The following RIMS4 variants were observed in gnomAD, a reference collection of about 807,000 sequenced individuals.
RIMS4 encodes regulating synaptic membrane exocytosis protein 4.
In RIMS4, 9 loss-of-function variants were observed where a neutral mutation model predicts 29.0. The ratio of observed to expected loss-of-function variants is 0.31; its 90% confidence interval spans 0.19 to 0.54. The LOEUF (loss-of-function observed/expected upper bound fraction) is 0.54, where lower values mean the gene tolerates loss of function less well. Ranked by LOEUF, RIMS4 falls within the 20% of genes least tolerant of loss-of-function variation. The probability of loss-of-function intolerance (pLI) is 0.94; values close to 1 mark genes in which losing one functional copy is unlikely to be tolerated. For missense variants in RIMS4, 193 were observed against 365.7 expected, an observed-to-expected ratio of 0.53 and a Z score of 3.85; for synonymous variants, 130 against 152.9, an observed-to-expected ratio of 0.85 and a Z score of 1.10.
At chr20:44,759,424 A>C (rs577534664) in intron 2 of RIMS4, among the ~76,000 whole-genome samples, 125 of 152,148 alleles carry the variant, frequency 8.2e-4, no homozygotes, top group African/African-American at 2.9e-3. Context: ...CGCCCGGCCA[A>C]TTTTTGTGTT....
chr20:44,803,639 C>T (rs6103872), intron 1 of RIMS4, among the ~76,000 whole-genome samples: 26,807 of 150,520 alleles, frequency 0.18, 2,555 homozygotes, highest in East Asian at 0.27. Flanking sequence ...CCTCAGTTTC[C>T]GAGTGAATCA....
chr20:44,757,373 T>A (rs1386926202), intron 4 of RIMS4, among the ~76,000 whole-genome samples: 1 of 151,668 alleles, frequency 6.6e-6, no homozygotes, highest in Non-Finnish European at 1.5e-5. Flanking sequence ...TCACCAAGCC[T>A]GAGCACCTAC....
intron 1 of RIMS4, among the ~76,000 whole-genome samples, chr20:44,781,025 A>G (rs1219451780): frequency 6.6e-6 from 1 of 152,176 alleles, no homozygotes; most frequent in Non-Finnish European, 1.5e-5. Flanking sequence ...CAAAATATAC[A>G]TTTATTGAGT....
At chr20:44,779,537 G>C (rs112657928) in intron 1 of RIMS4, among the ~76,000 whole-genome samples, 2 of 152,182 alleles carry the variant, frequency 1.3e-5, no homozygotes, top group African/African-American at 2.4e-5. Flanking sequence ...CCAACACGAC[G>C]TTTGTGGGGT....
Position 44,810,172 on chromosome 20 carries a change from T to A in RIMS4, c.97+3A>T, listed in dbSNP as rs903668354. ...GGGTCTGGGGGGCGGGCCGCGCGCT[T>A]ACCTGCGTCCTCGTCGTCGAAGGAG... On this transcript the variant is annotated splice_donor_region_variant and intron_variant, in intron 1 of 5. Coordinates refer to ENST00000372851, the MANE Select transcript of RIMS4 (RefSeq NM_182970.4). The A allele has an allele frequency of 6.4e-7, 1 of 1,564,746 alleles. No homozygotes were observed. The highest frequency in any genetic ancestry group is 8.7e-7 in the Non-Finnish European group (1 of 1,150,140).
At chr20:44,805,818 G>C (rs1016037671) in intron 1 of RIMS4, among the ~76,000 whole-genome samples, 1 of 151,392 alleles carries the variant, frequency 6.6e-6, no homozygotes, top group African/African-American at 2.4e-5. Flanking sequence ...AGGTGCCTGG[G>C]GGTGTGGAGA....
chr20:44,795,393 T>C (rs2066250355), intron 1 of RIMS4, among the ~76,000 whole-genome samples: 1 of 152,174 alleles, frequency 6.6e-6, no homozygotes, highest in South Asian at 2.1e-4. Context: ...CCCAGCACTT[T>C]GGGAGGCTGA....
chr20:44,804,140 C>A (rs1037226598), intron 1 of RIMS4, among the ~76,000 whole-genome samples: 2 of 152,234 alleles, frequency 1.3e-5, no homozygotes, highest in African/African-American at 4.8e-5. Context: ...GCCTGGCTTT[C>A]CTCATCTGCA....
intron 1 of RIMS4, among the ~76,000 whole-genome samples, chr20:44,782,864 T>C (rs1421242876): frequency 6.6e-6 from 1 of 152,200 alleles, no homozygotes; most frequent in Non-Finnish European, 1.5e-5. Flanking sequence ...AGAGAACTCC[T>C]CAAGACACCA....
chr20:44,773,276 T>C (rs1015015717), intron 1 of RIMS4, among the ~76,000 whole-genome samples: 1 of 152,108 alleles, frequency 6.6e-6, no homozygotes, highest in Non-Finnish European at 1.5e-5. Flanking sequence ...CTCCATTCCA[T>C]CATCTGTTCT....
Position 44,810,306 on chromosome 20 carries a change from G to A in RIMS4, c.-35C>T. 1.3e-6 allele frequency: 1 copy of A among 788,468 alleles called. No homozygotes were observed. Among genetic ancestry groups the A allele is most frequent in the Non-Finnish European group, 1.6e-6 (1 of 637,926 alleles). The allele number at this position is 788,468 out of a possible 1,614,324, so 48.8% of individuals were successfully genotyped here. ...GGCGCCGGGCGCCTCGGCCGCGGCG[G>A]CGGCGGCGGCGGCGGGCGGCTTGGG... On this transcript the variant is annotated 5_prime_UTR_variant, in exon 1 of 6. Coordinates refer to ENST00000372851, the MANE Select transcript of RIMS4 (RefSeq NM_182970.4).
rs1316755326 is a variant in RIMS4, at chr20:44,753,784, C to A, written c.*2350G>T. 1.3e-5 allele frequency: 2 copies of A among 152,710 alleles called. No individual in the cohort carries two copies. Among genetic ancestry groups the A allele is most frequent in the Non-Finnish European group, 2.9e-5 (2 of 68,142 alleles). 9.5% of individuals were successfully genotyped at this position (152,710 alleles called of 1,614,324 possible). On this transcript the variant is annotated 3_prime_UTR_variant, in exon 6 of 6. Coordinates refer to ENST00000372851, the MANE Select transcript of RIMS4 (RefSeq NM_182970.4). The stretch of plus-strand genomic sequence containing the variant: ...ACACAAAGAAACAGGGCTCCAGCCC[C>A]CAGCTGCTCCACCCCTCCAGGAGGT...
chr20:44,770,135 A>T (rs145044005), intron 2 of RIMS4, among the ~76,000 whole-genome samples: 68 of 152,278 alleles, frequency 4.5e-4, no homozygotes, highest in Non-Finnish European at 8.4e-4. Flanking sequence ...CCATGTGCAC[A>T]AGAATCATGA....
chr20:44,771,426 G>A lies in RIMS4; in HGVS notation c.98-13C>T. 6.2e-7 allele frequency: 1 copy of A among 1,603,678 alleles called. No individual in the cohort carries two copies. The highest frequency in any genetic ancestry group is 1.1e-5 in the South Asian group (1 of 90,750). ...CTCCGGCTGTCCCCTTCTGGGCAAAGCGGCCAAGAGAGATGGGAAGAGAGA... is the reference window on the plus strand; with the variant it reads ...CTCCGGCTGTCCCCTTCTGGGCAAAACGGCCAAGAGAGATGGGAAGAGAGA... On this transcript the variant is annotated splice_polypyrimidine_tract_variant and intron_variant, in intron 1 of 5. Coordinates refer to ENST00000372851, the MANE Select transcript of RIMS4 (RefSeq NM_182970.4).
chr20:44,766,857 T>C (rs572918419), intron 2 of RIMS4, among the ~76,000 whole-genome samples: 2 of 152,312 alleles, frequency 1.3e-5, no homozygotes, highest in South Asian at 4.1e-4. Flanking sequence ...CTCTGGCCCC[T>C]GAAGAGCTTC....
At chr20:44,804,630 G>A (rs2066290673) in intron 1 of RIMS4, among the ~76,000 whole-genome samples, 2 of 152,126 alleles carry the variant, frequency 1.3e-5, no homozygotes, top group Admixed American at 6.6e-5. Flanking sequence ...TTCCATTCTC[G>A]CTCTCCTCCG....
At chr20:44,776,710 G>A (rs577949715) in intron 1 of RIMS4, among the ~76,000 whole-genome samples, 1 of 152,162 alleles carries the variant, frequency 6.6e-6, no homozygotes, top group Non-Finnish European at 1.5e-5. Flanking sequence ...GGTGGGCTGG[G>A]ACACACGGTC....
intron 2 of RIMS4, among the ~76,000 whole-genome samples, chr20:44,764,030 C>CACTT (rs2066097885): frequency 7.5e-6 from 1 of 133,754 alleles, no homozygotes; most frequent in Non-Finnish European, 1.6e-5. Context: ...ATCCATTTAT[C>CACTT]CATCCATCCA....
chr20:44,767,496 G>A (rs931127441), intron 2 of RIMS4, among the ~76,000 whole-genome samples: 2 of 152,248 alleles, frequency 1.3e-5, no homozygotes, highest in Non-Finnish European at 2.9e-5. Context: ...GGTGTGGAAA[G>A]AGAGAGGGGC....
Sources: gnomAD v4.1 joint callset for allele counts (sites outside exome capture counted in the v4.1 genomes callset) on GRCh38, gnomAD v4.1.1 for gene constraint, MANE v1.5 for transcripts, NCBI Gene and HGNC (gene_info 2026-07-23, HGNC 2026-07-21) for gene names.